Variants in P4HA1 observed in about 807,000 individuals in gnomAD.
P4HA1 encodes the protein prolyl 4-hydroxylase subunit alpha 1, also known as prolyl 4-hydroxylase subunit alpha-1.
A neutral mutation model predicts 72.8 loss-of-function variants in P4HA1; 24 were observed. The observed-to-expected ratio is 0.33, with a 90% CI of 0.24 to 0.46. P4HA1 has a LOEUF of 0.46. P4HA1 is among the 20% of genes least tolerant of loss of function. The pLI, the probability that P4HA1 is intolerant of heterozygous loss-of-function variation, is 1.00. For synonymous variants in P4HA1, 201 were observed against 218.8 expected (o/e 0.92, Z 0.72); for missense variants, 446 against 640.6 (o/e 0.70, Z 3.28).
In P4HA1 at chr10:73,043,123, C is replaced by T. The variant is rs191872924; in HGVS notation, c.1148+1858G>A. Among the ~76,000 whole-genome samples, 6 of 152,250 alleles carry T rather than the reference C, an allele frequency of 3.9e-5. No homozygotes were observed. The East Asian group carries it at 1.2e-3, about 29-fold the overall frequency. ...GGATTGTTACTATAATTATTATTCA[C>T]ATTTGTTAATCTAAATAACATGACT... On this transcript the variant is annotated intron_variant, in intron 9 of 14. Coordinates refer to ENST00000394890, the MANE Select transcript of P4HA1 (RefSeq NM_001017962.3).
intron 5 of P4HA1, 41 bp downstream of exon 5, chr10:73,068,805 C>T (rs200834138): frequency 3.1e-5 from 48 of 1,536,422 alleles, no homozygotes; most frequent in Non-Finnish European, 4.3e-5. Context: ...AACAGAGAAG[C>T]TAGGTGATAG....
chr10:73,064,179 A>G (rs1347827254), intron 5 of P4HA1, among the ~76,000 whole-genome samples: 2 of 152,160 alleles, frequency 1.3e-5, no homozygotes, highest in African/African-American at 2.4e-5. Context: ...AGAAACTATA[A>G]TATCAGGCCA....
chr10:73,056,909 ACTT>A (rs1663014850), intron 5 of P4HA1, among the ~76,000 whole-genome samples: 2 of 149,928 alleles, frequency 1.3e-5, no homozygotes. Context: ...AAATACAAAA[ACTT>A]CGCCGGGCGT....
intron 10 of P4HA1, among the ~76,000 whole-genome samples, chr10:73,017,809 A>G (rs1840044240): frequency 6.6e-6 from 1 of 152,190 alleles, no homozygotes; most frequent in Non-Finnish European, 1.5e-5. Flanking sequence ...GTAACTTTGG[A>G]TATCATCTCA....
chr10:73,033,752 T>A (rs1840495570), intron 9 of P4HA1, among the ~76,000 whole-genome samples: 1 of 152,150 alleles, frequency 6.6e-6, no homozygotes, highest in Non-Finnish European at 1.5e-5. Context: ...AAGACCTAAA[T>A]GTAAAAGCTA....
chr10:73,071,790 T>C (rs1306891483), intron 4 of P4HA1, among the ~76,000 whole-genome samples: 2 of 151,804 alleles, frequency 1.3e-5, no homozygotes, highest in East Asian at 3.8e-4. Context: ...ATATGCCAAA[T>C]AATCTATTCA....
chr10:73,014,295 A>C lies in P4HA1; in HGVS notation c.1303-6T>G. 6.2e-7 allele frequency: 1 copy of C among 1,605,224 alleles called. No homozygotes were observed. On this transcript the variant is annotated splice_region_variant and splice_polypyrimidine_tract_variant and intron_variant, in intron 11 of 14. Coordinates refer to ENST00000394890, the MANE Select transcript of P4HA1 (RefSeq NM_001017962.3). ...AAAGCATCTGGCTCATCTTTCTGTG[A>C]ATAAAAACACAGTAAATTCAATGGT...
chr10:73,066,106 C>T (rs11000511), intron 5 of P4HA1, among the ~76,000 whole-genome samples: 12,011 of 152,182 alleles, frequency 0.079, 1,470 homozygotes, highest in African/African-American at 0.26. Context: ...AAGAAGCCTT[C>T]GAACACATTT....
intron 1 of P4HA1, among the ~76,000 whole-genome samples, chr10:73,076,719 GT>G (rs1841705371): frequency 6.6e-6 from 1 of 151,486 alleles, no homozygotes; most frequent in Non-Finnish European, 1.5e-5. Context: ...CATGAACTTT[GT>G]CTTTCTTATT....
chr10:73,033,222 G>T (rs1379709729), intron 9 of P4HA1, among the ~76,000 whole-genome samples: 1 of 152,168 alleles, frequency 6.6e-6, no homozygotes, highest in Non-Finnish European at 1.5e-5. Context: ...AAATTGGAAA[G>T]CATTCTAATA....
chr10:73,012,409 G>A (rs1354056656), intron 12 of P4HA1, among the ~76,000 whole-genome samples: 1 of 152,192 alleles, frequency 6.6e-6, no homozygotes, highest in Non-Finnish European at 1.5e-5. Context: ...CTCACCTCTA[G>A]AAAATATGCA....
At chr10:73,071,953 C>G in intron 4 of P4HA1, 76 bp downstream of exon 4, 1 of 1,230,398 alleles carries the variant, frequency 8.1e-7, no homozygotes. Flanking sequence ...TTCCTGGGAA[C>G]TGAATTTATC....
intron 10 of P4HA1, among the ~76,000 whole-genome samples, chr10:73,019,967 G>A (rs915736282): frequency 1.3e-5 from 2 of 151,930 alleles, no homozygotes; most frequent in Admixed American, 6.6e-5. Context: ...AAAGGTAAAA[G>A]GCACAGAAAA....
chr10:73,030,358 A>G lies in P4HA1; in HGVS notation c.1161T>C (p.Ser387=). The change falls in exon 10 of 15, where the codon TCT becomes TCC. Residue 387 remains serine, a synonymous_variant. Coordinates refer to ENST00000394890, the MANE Select transcript of P4HA1 (RefSeq NM_001017962.3). ...GAGACACCACAGGATTTTCATAGCC[A>G]GAGAGCCAGGCACTAAGAATAAGAG... is the stretch of plus-strand genomic sequence containing the variant. The part of the protein sequence containing the change: ...HYRISKSAWL[S]GYENPVVSRI... 6.4e-7 allele frequency: 1 copy of G among 1,561,812 alleles called. No individual in the cohort carries two copies. Among genetic ancestry groups the G allele is most frequent in the Non-Finnish European group, 8.8e-7 (1 of 1,141,652 alleles).
intron 1 of P4HA1, among the ~76,000 whole-genome samples, chr10:73,079,876 A>G (rs1041741775): frequency 6.6e-6 from 1 of 152,180 alleles, no homozygotes; most frequent in Non-Finnish European, 1.5e-5. Context: ...ACTTAGATAT[A>G]AGACCCAGAC....
intron 1 of P4HA1, among the ~76,000 whole-genome samples, chr10:73,095,868 A>T (rs941640098): frequency 6.6e-6 from 1 of 152,324 alleles, no homozygotes; most frequent in South Asian, 2.1e-4. Flanking sequence ...TAGGAGAAAG[A>T]GTCTCACAGT....
chr10:73,055,618 T>C (rs1173789561), intron 5 of P4HA1, among the ~76,000 whole-genome samples: 2 of 152,260 alleles, frequency 1.3e-5, no homozygotes, highest in Non-Finnish European at 2.9e-5. Context: ...CTTTCAGCAC[T>C]TGTGCTTTTG....
intron 1 of P4HA1, among the ~76,000 whole-genome samples, chr10:73,095,960 TGGAA>T (rs1842155099): frequency 6.6e-6 from 1 of 151,380 alleles, no homozygotes; most frequent in Admixed American, 6.6e-5. Context: ...CACACAACCA[TGGAA>T]TTTGTTGGAC....
intron 14 of P4HA1, among the ~76,000 whole-genome samples, chr10:73,009,224 T>C (rs937670595): frequency 3.3e-5 from 5 of 152,166 alleles, no homozygotes; most frequent in African/African-American, 1.2e-4. Context: ...AATGGATACA[T>C]GGGGCTAATT....
Sources: gnomAD v4.1 joint callset for allele counts (sites outside exome capture counted in the v4.1 genomes callset) on GRCh38, gnomAD v4.1.1 for gene constraint, MANE v1.5 for transcripts, NCBI Gene and HGNC (gene_info 2026-07-23, HGNC 2026-07-21) for gene names.